Variants in TG observed in about 807,000 individuals in gnomAD.
TG encodes the protein thyroid hormones.
A neutral mutation model predicts 324.7 loss-of-function variants in TG; 270 were observed. The observed-to-expected ratio is 0.83, with a 90% CI of 0.75 to 0.92. TG has a LOEUF of 0.92. Among genes scored for constraint, TG ranks in the 40% least tolerant of loss-of-function variants. The pLI is 0.00. For synonymous variants in TG, 1,401 were observed against 1,327.0 expected (o/e 1.06, Z -1.21); for missense variants, 3,591 against 3,456.4 (o/e 1.04, Z -0.98).
intron 45 of TG, among the ~76,000 whole-genome samples, chr8:133,122,647 G>A (rs1222203809): frequency 1.3e-5 from 2 of 152,178 alleles, no homozygotes; most frequent in Non-Finnish European, 2.9e-5. Context: ...AACAGGTCCT[G>A]TTCCATAGGG....
intron 37 of TG, among the ~76,000 whole-genome samples, chr8:133,016,849 G>C (rs184711587): frequency 3.3e-4 from 50 of 152,296 alleles, no homozygotes; most frequent in Admixed American, 2.6e-3. Flanking sequence ...AGAAAATGTC[G>C]TCGAGGAAAC....
chr8:133,122,693 G>A (rs1366211293), intron 45 of TG, among the ~76,000 whole-genome samples: 1 of 152,160 alleles, frequency 6.6e-6, no homozygotes, highest in African/African-American at 2.4e-5. Context: ...CCTGCATGGT[G>A]TTTAGCTCAG....
At chr8:133,070,862 G>A (rs1843903098) in intron 41 of TG, among the ~76,000 whole-genome samples, 1 of 152,258 alleles carries the variant, frequency 6.6e-6, no homozygotes, top group Non-Finnish European at 1.5e-5. Context: ...TCTCTGGACA[G>A]TAGTTGTCAA....
Position 132,883,271 on chromosome 8 carries a change from T to C in TG, c.1075+272T>C, listed in dbSNP as rs1399347765. 4 of 466,944 alleles carry C rather than the reference T, an allele frequency of 8.6e-6. No homozygotes were observed. The Admixed American group carries it at 1.4e-4, about 17-fold the overall frequency. The allele number at this position is 466,944 out of a possible 1,614,324, so 28.9% of individuals were successfully genotyped here. A position where few individuals can be genotyped will look rare whatever the true frequency, so the allele number is the denominator to read the frequency against. ...AATAAAAGAGAATTGAGTTCCCATG[T>C]GCGGTGAGACAGGAGCATGCACATA... is the stretch of plus-strand genomic sequence containing the variant. On this transcript the variant is annotated intron_variant, in intron 8 of 47. Transcript: ENST00000220616.
intron 41 of TG, among the ~76,000 whole-genome samples, chr8:133,071,764 C>A (rs762880411): frequency 6.6e-5 from 10 of 152,188 alleles, no homozygotes; most frequent in Non-Finnish European, 8.8e-5. Flanking sequence ...CCTCTCTTCT[C>A]TCTCCCTGGC....
intron 41 of TG, among the ~76,000 whole-genome samples, chr8:133,046,318 T>G (rs1234094055): frequency 6.6e-6 from 1 of 152,232 alleles, no homozygotes; most frequent in Non-Finnish European, 1.5e-5. Flanking sequence ...CCCCCAATTA[T>G]TTTAAAGATG....
chr8:133,040,265 C>T (rs1837967647), intron 41 of TG: 9 of 942,048 alleles, frequency 9.6e-6, no homozygotes, highest in Admixed American at 7.6e-5. Context: ...TTCAAAGGGG[C>T]ATGGTAGGTG....
intron 38 of TG, 76 bp downstream of exon 38, chr8:133,018,073 C>T: frequency 7.0e-7 from 1 of 1,418,620 alleles, no homozygotes; most frequent in Non-Finnish European, 9.8e-7. Context: ...AAATGGGACT[C>T]AGTAGCAGAG....
rs181268619 is a variant in TG, at chr8:133,095,122, G to A, written c.7318G>A (p.Val2440Ile). The A allele has an allele frequency of 3.0e-5, 49 of 1,614,216 alleles. 1 individual carries two copies. In the Middle Eastern group the frequency reaches 8.3e-4, roughly 27 times the overall value. Residue 2440 changes from valine to isoleucine, a missense_variant, in exon 42 of 48, where the codon GTC becomes ATC. Physicochemically the swap from Val to Ile is conservative, Grantham distance 29. Transcript: ENST00000220616. Reference sequence around the variant, plus strand: ...GCAGGCAATTGCTTTGGCAAAGGAGGTCAGTTGCCCCATGTCATCCAGCCA... The same window carrying A: ...GCAGGCAATTGCTTTGGCAAAGGAGATCAGTTGCCCCATGTCATCCAGCCA... Reference protein sequence around the residue: ...QQQAIALAKEVSCPMSSSQEV... With the variant: ...QQQAIALAKEISCPMSSSQEV...
chr8:133,083,175 A>C (rs753746739), intron 41 of TG, among the ~76,000 whole-genome samples: 1 of 152,240 alleles, frequency 6.6e-6, no homozygotes. Flanking sequence ...CCTGTAAAGC[A>C]TGGTACAGAT....
chr8:132,982,274 C>T (rs962009558), intron 34 of TG, among the ~76,000 whole-genome samples: 1 of 152,144 alleles, frequency 6.6e-6, no homozygotes, highest in African/African-American at 2.4e-5. Flanking sequence ...GGCTGCTGAC[C>T]CGGGAGCCCC....
chr8:132,918,302 G>A (rs1820662209), intron 20 of TG, among the ~76,000 whole-genome samples: 1 of 152,146 alleles, frequency 6.6e-6, no homozygotes, highest in Admixed American at 6.5e-5. Flanking sequence ...CAGGTTGGCC[G>A]AAAGGCTTTT....
intron 43 of TG, among the ~76,000 whole-genome samples, chr8:133,113,118 C>T (rs1850402465): frequency 6.6e-6 from 1 of 152,174 alleles, no homozygotes; most frequent in Admixed American, 6.5e-5. Context: ...AATGGTTAAC[C>T]TTAACAGAGC....
At chr8:133,114,338 G>A (rs1286131958) in intron 44 of TG, among the ~76,000 whole-genome samples, 1 of 152,142 alleles carries the variant, frequency 6.6e-6, no homozygotes, top group Non-Finnish European at 1.5e-5. Context: ...ATGGCTAAAG[G>A]CTGCAGCCCC....
chr8:132,887,848 C>A (rs1307005963), intron 9 of TG, 136 bp from the exon 10 acceptor site: 7 of 913,438 alleles, frequency 7.7e-6, no homozygotes, highest in African/African-American at 6.7e-5. Context: ...ATATTATTTA[C>A]AAATTTAAGC....
chr8:133,024,310 C>T lies in TG; in HGVS notation c.7036+2160C>T, dbSNP rs1188060401. ...GCATTCATTAGCCACAGGCCATTTT[C>T]TTTCTTTCTTTCTTTCTTTCTTTCT... is the stretch of plus-strand genomic sequence containing the variant. On this transcript the variant is annotated intron_variant, in intron 40 of 47. Transcript: ENST00000220616. 4.6e-3 allele frequency among the ~76,000 whole-genome samples: 41 copies of T among 8,960 alleles called. 1 individual carries two copies. The highest frequency in any genetic ancestry group is 7.0e-4 in the Non-Finnish European group (3 of 4,288). 5.9% of individuals were successfully genotyped at this position (8,960 alleles called of 152,430 possible).
At chr8:133,056,934 G>A (rs1587919950) in intron 41 of TG, among the ~76,000 whole-genome samples, 1 of 152,294 alleles carries the variant, frequency 6.6e-6, no homozygotes, top group East Asian at 1.9e-4. Context: ...ACCATCCCCA[G>A]GTTCTGATTC....
chr8:132,963,718 C>T (rs1478067749), intron 29 of TG, among the ~76,000 whole-genome samples: 1 of 10,522 alleles, frequency 9.5e-5, no homozygotes, highest in African/African-American at 7.9e-4. Flanking sequence ...CATGCATGGA[C>T]GCACTGTAGG....
intron 41 of TG, chr8:133,074,857 A>G: frequency 1.0e-6 from 1 of 985,494 alleles, no homozygotes; most frequent in Non-Finnish European, 1.2e-6. Flanking sequence ...AAATACCTTC[A>G]CACACTGGGC....
Sources: gnomAD v4.1 joint callset for allele counts (sites outside exome capture counted in the v4.1 genomes callset) on GRCh38, gnomAD v4.1.1 for gene constraint, MANE v1.5 for transcripts, NCBI Gene and HGNC (gene_info 2026-07-23, HGNC 2026-07-21) for gene names.